The following IQCM variants were observed in gnomAD, a reference collection of about 807,000 sequenced individuals.
The protein encoded by IQCM is IQ motif containing M.
A neutral mutation model predicts 57.6 loss-of-function variants in IQCM; 45 were observed. The observed-to-expected ratio is 0.78, with a 90% CI of 0.62 to 1.00. IQCM has a LOEUF of 1.00. IQCM is among the 50% of genes least tolerant of loss of function. IQCM has a pLI of 0.00. For missense variants in IQCM, 468 were observed against 511.6 expected (o/e 0.91, Z 0.82); for synonymous variants, 148 against 158.9 (o/e 0.93, Z 0.51).
intron 12 of IQCM, among the ~76,000 whole-genome samples, chr4:149,508,327 T>C (rs1744045517): frequency 6.6e-6 from 1 of 151,708 alleles, no homozygotes; most frequent in Non-Finnish European, 1.5e-5. Context: ...ACCATGTACC[T>C]GGAAAAGCTG....
At chr4:149,453,665 G>T (rs955186580) in intron 12 of IQCM, among the ~76,000 whole-genome samples, 1 of 151,806 alleles carries the variant, frequency 6.6e-6, no homozygotes, top group African/African-American at 2.4e-5. Context: ...ACCACAATGA[G>T]ATACCACTTC....
chr4:149,586,895 T>A, intron 9 of IQCM, among the ~76,000 whole-genome samples: 1 of 151,862 alleles, frequency 6.6e-6, no homozygotes, highest in East Asian at 1.9e-4. Context: ...AAATCTTTTT[T>A]TCTTTCTATG....
intron 13 of IQCM, among the ~76,000 whole-genome samples, chr4:149,396,830 G>A (rs1457167889): frequency 6.6e-6 from 1 of 151,890 alleles, no homozygotes; most frequent in Non-Finnish European, 1.5e-5. Flanking sequence ...TCCGTTACTG[G>A]TTTATTTCTC....
At chr4:149,714,150 T>C (rs1764795269) in intron 5 of IQCM, among the ~76,000 whole-genome samples, 1 of 152,212 alleles carries the variant, frequency 6.6e-6, no homozygotes, top group South Asian at 2.1e-4. Context: ...TTCCTTGATC[T>C]GTAAGCAGAA....
At chr4:149,663,816 C>A (rs978322755) in intron 7 of IQCM, among the ~76,000 whole-genome samples, 1 of 152,014 alleles carries the variant, frequency 6.6e-6, no homozygotes, top group African/African-American at 2.4e-5. Context: ...AAGATTTTTG[C>A]AGGTTGAATA....
chr4:149,754,272 A>G (rs1012567188), intron 2 of IQCM, among the ~76,000 whole-genome samples: 1 of 151,984 alleles, frequency 6.6e-6, no homozygotes, highest in Admixed American at 6.6e-5. Context: ...ACTTGTCCCA[A>G]CTCAGGACAA....
chr4:149,491,770 T>C (rs1174941464), intron 12 of IQCM, among the ~76,000 whole-genome samples: 3 of 152,086 alleles, frequency 2.0e-5, no homozygotes, highest in Non-Finnish European at 2.9e-5. Context: ...GTCTACACAC[T>C]CAGAAGTGAG....
intron 12 of IQCM, among the ~76,000 whole-genome samples, chr4:149,543,417 T>A (rs1380148504): frequency 6.6e-6 from 1 of 152,080 alleles, no homozygotes; most frequent in East Asian, 1.9e-4. Context: ...GTCCATGTGT[T>A]CTCATTGTTC....
chr4:149,550,708 T>C (rs1190712391), intron 11 of IQCM, among the ~76,000 whole-genome samples: 2 of 152,166 alleles, frequency 1.3e-5, no homozygotes, highest in African/African-American at 4.8e-5. Context: ...GCTTAAAAAG[T>C]GTATAGGTAA....
chr4:149,639,059 T>A (rs1757961841), intron 7 of IQCM, among the ~76,000 whole-genome samples: 1 of 152,222 alleles, frequency 6.6e-6, no homozygotes, highest in African/African-American at 2.4e-5. Context: ...ACGTGACGTC[T>A]ACTTGCCAAA....
intron 13 of IQCM, among the ~76,000 whole-genome samples, chr4:149,405,800 C>T (rs1009557470): frequency 1.4e-5 from 2 of 143,174 alleles, no homozygotes; most frequent in Non-Finnish European, 3.0e-5. Flanking sequence ...ATTTTTCAAC[C>T]CTTTTTAAAT....
intron 12 of IQCM, among the ~76,000 whole-genome samples, chr4:149,479,176 C>T (rs1488764132): frequency 6.6e-6 from 1 of 152,118 alleles, no homozygotes; most frequent in Non-Finnish European, 1.5e-5. Flanking sequence ...ATTTGAATAA[C>T]TTAATGACAA....
chr4:149,515,710 T>C (rs1744887448), intron 12 of IQCM, among the ~76,000 whole-genome samples: 3 of 152,122 alleles, frequency 2.0e-5, no homozygotes, highest in African/African-American at 7.2e-5. Context: ...GCACTTTGCA[T>C]GGAAGGAAAA....
intron 7 of IQCM, among the ~76,000 whole-genome samples, chr4:149,678,563 TA>T (rs1761940912): frequency 6.6e-6 from 1 of 151,674 alleles, no homozygotes; most frequent in Admixed American, 6.6e-5. Flanking sequence ...AAAGAGACAC[TA>T]ATGTGTTTTT....
At chr4:149,686,827 T>C (rs1019125853) in intron 5 of IQCM, among the ~76,000 whole-genome samples, 3 of 151,430 alleles carry the variant, frequency 2.0e-5, no homozygotes, top group African/African-American at 7.3e-5. Flanking sequence ...CAAAGCTTAG[T>C]TCTTACAGAA....
chr4:149,431,646 T>A (rs1264116484), intron 13 of IQCM, among the ~76,000 whole-genome samples: 1 of 152,012 alleles, frequency 6.6e-6, no homozygotes, highest in African/African-American at 2.4e-5. Flanking sequence ...AGTAAAACAC[T>A]ACCATCAAAT....
chr4:149,507,960 C>A (rs1579300874), intron 12 of IQCM, among the ~76,000 whole-genome samples: 2 of 151,916 alleles, frequency 1.3e-5, no homozygotes, highest in Non-Finnish European at 1.5e-5. Context: ...CCCTGCATTA[C>A]AGCTATAACT....
chr4:149,796,175 G>T (rs1007835843), intron 2 of IQCM, among the ~76,000 whole-genome samples: 1 of 152,130 alleles, frequency 6.6e-6, no homozygotes, highest in African/African-American at 2.4e-5. Flanking sequence ...ACAGAGGGGA[G>T]CCCACTCCCT....
intron 5 of IQCM, among the ~76,000 whole-genome samples, chr4:149,724,797 C>T (rs1580130054): frequency 6.6e-6 from 1 of 151,870 alleles, no homozygotes; most frequent in East Asian, 1.9e-4. Context: ...TATAGTACTA[C>T]ATGGACAAGA....
Sources: gnomAD v4.1 joint callset for allele counts (sites outside exome capture counted in the v4.1 genomes callset) on GRCh38, gnomAD v4.1.1 for gene constraint, MANE v1.5 for transcripts, NCBI Gene and HGNC (gene_info 2026-07-23, HGNC 2026-07-21) for gene names.